The following EEA1 variants were observed in gnomAD, a reference collection of about 807,000 sequenced individuals.
EEA1 encodes the protein early endosome antigen 1, 162kD.
Under a neutral mutation model 209.2 loss-of-function variants are expected in EEA1, and 111 were observed. That is an observed-to-expected ratio of 0.53 (90% CI 0.45 to 0.62). The LOEUF (loss-of-function observed/expected upper bound fraction) is 0.62, where lower values mean the gene tolerates loss of function less well. Ranked by LOEUF, EEA1 falls within the 20% of genes least tolerant of loss-of-function variation. EEA1 has a pLI of 0.00. For synonymous variants in EEA1, 536 were observed against 540.6 expected, an observed-to-expected ratio of 0.99 and a Z score of 0.12; for missense variants, 1,343 against 1,530.8, an observed-to-expected ratio of 0.88 and a Z score of 2.05.
chr12:92,817,550 T>C (rs894883389), intron 14 of EEA1, among the ~76,000 whole-genome samples: 1 of 152,078 alleles, frequency 6.6e-6, no homozygotes, highest in Non-Finnish European at 1.5e-5. Flanking sequence ...TCCATCATTA[T>C]AGTTTTTTGT....
chr12:92,916,110 C>T (rs1020667350), intron 1 of EEA1, among the ~76,000 whole-genome samples: 1 of 152,054 alleles, frequency 6.6e-6, no homozygotes, highest in South Asian at 2.1e-4. Flanking sequence ...AAAATACCCA[C>T]CATATGATTA....
In EEA1 at chr12:92,798,808, C is replaced by T. The variant is rs1046767260; in HGVS notation, c.2967+84G>A. 8.6e-6 allele frequency: 9 copies of T among 1,043,236 alleles called. No homozygotes were observed. In the African/African-American group the frequency reaches 1.5e-4, roughly 17 times the overall value. The allele number at this position is 1,043,236 out of a possible 1,614,324, so 64.6% of individuals were successfully genotyped here. ...TTATGTAAACTTTTCAATGTTGCAACTTATCCATCTGTATTAATCATCATA... is the reference window on the plus strand; with the variant it reads ...TTATGTAAACTTTTCAATGTTGCAATTTATCCATCTGTATTAATCATCATA... On this transcript the variant is annotated intron_variant, in intron 21 of 28. Coordinates refer to ENST00000322349, the MANE Select transcript of EEA1 (RefSeq NM_003566.4).
Position 92,852,174 on chromosome 12 carries a change from C to A in EEA1, c.642+1G>T. ...ATCTCAATAAATAATTCCTAAATTA[C>A]CAGTTCCGTCTTCAGATCTTGAATT... On this transcript the variant is annotated splice_donor_variant, in intron 8 of 28. Transcript: ENST00000322349. LOFTEE classifies it high-confidence loss of function. 6.4e-7 allele frequency: 1 copy of A among 1,571,002 alleles called. No individual in the cohort carries two copies. Among genetic ancestry groups the A allele is most frequent in the Admixed American group, 2.0e-5 (1 of 51,156 alleles).
intron 2 of EEA1, among the ~76,000 whole-genome samples, chr12:92,878,290 A>C (rs1878999082): frequency 6.6e-6 from 1 of 152,130 alleles, no homozygotes; most frequent in Admixed American, 6.6e-5. Context: ...AAACAAAAAC[A>C]AAAAACAAAA....
intron 17 of EEA1, among the ~76,000 whole-genome samples, chr12:92,810,463 A>G (rs1226040173): frequency 9.9e-5 from 15 of 152,064 alleles, no homozygotes; most frequent in Non-Finnish European, 1.9e-4. Flanking sequence ...GTTTGTCATA[A>G]AGAAAAAGGA....
Position 92,798,984 on chromosome 12 carries a change from C to T in EEA1, c.2875G>A (p.Gly959Arg). ...QNEKEEQQLQGNINELKQSSE... is the reference protein window; with the variant it reads ...QNEKEEQQLQRNINELKQSSE... ...GATTGCTTTAGCTCATTTATGTTCC[C>T]CTGAAGTTGTTGCTCTTCTTTTTCA... The change falls in exon 21 of 29, where the codon GGG becomes AGG. Residue 959 changes from glycine (G) to arginine (R), a missense_variant. Physicochemically the swap from Gly to Arg is moderately radical, Grantham distance 125 (BLOSUM62 -2). Coordinates refer to ENST00000322349, the MANE Select transcript of EEA1 (RefSeq NM_003566.4). The T allele has an allele frequency of 6.2e-7, 1 of 1,612,776 alleles. No homozygotes were observed. The highest frequency in any genetic ancestry group is 1.1e-5 in the South Asian group (1 of 90,980).
intron 14 of EEA1, among the ~76,000 whole-genome samples, chr12:92,817,166 C>G (rs1053809672): frequency 6.6e-6 from 1 of 151,090 alleles, no homozygotes; most frequent in Non-Finnish European, 1.5e-5. Context: ...TAATACTATC[C>G]CATGGGTCAC....
intron 1 of EEA1, among the ~76,000 whole-genome samples, chr12:92,909,953 G>A (rs183608576): frequency 2.2e-3 from 333 of 151,828 alleles, no homozygotes; most frequent in African/African-American, 7.8e-3. Context: ...GACCAGCCTG[G>A]TCAATGTGGA....
At chr12:92,843,400 T>A (rs1877256875) in intron 9 of EEA1, among the ~76,000 whole-genome samples, 1 of 151,964 alleles carries the variant, frequency 6.6e-6, no homozygotes, top group Non-Finnish European at 1.5e-5. Context: ...CTCAAGCGAC[T>A]CTCCCACTAC....
chr12:92,847,194 G>A (rs1193006248), intron 9 of EEA1, among the ~76,000 whole-genome samples: 1 of 152,106 alleles, frequency 6.6e-6, no homozygotes, highest in Non-Finnish European at 1.5e-5. Context: ...GACCTCAGGT[G>A]ATCCACCGCC....
chr12:92,893,331 G>A (rs541448912), intron 1 of EEA1, among the ~76,000 whole-genome samples: 2 of 152,174 alleles, frequency 1.3e-5, no homozygotes, highest in Non-Finnish European at 2.9e-5. Flanking sequence ...TAGAGACTAA[G>A]TAAATTGCCC....
intron 21 of EEA1, among the ~76,000 whole-genome samples, chr12:92,795,684 C>G (rs1874627689): frequency 6.6e-6 from 1 of 152,202 alleles, no homozygotes; most frequent in South Asian, 2.1e-4. Context: ...GAGCAGAGAG[C>G]TGATCTCCCT....
intron 18 of EEA1, among the ~76,000 whole-genome samples, chr12:92,805,295 G>A (rs1021619749): frequency 1.3e-5 from 2 of 151,996 alleles, no homozygotes; most frequent in Admixed American, 6.6e-5. Flanking sequence ...TATAACCTCC[G>A]ATTCAAAGCA....
chr12:92,811,451 T>C lies in EEA1; in HGVS notation c.2044-17A>G. On this transcript the variant is annotated splice_polypyrimidine_tract_variant and intron_variant, in intron 16 of 28. Transcript: ENST00000322349. Reference sequence around the variant, plus strand: ...ATTTAACTCCTTTAGAAAAGTACAATTGAAGAAAACTTTGGTAAGGTTTAC... The same window carrying C: ...ATTTAACTCCTTTAGAAAAGTACAACTGAAGAAAACTTTGGTAAGGTTTAC... 2 of 1,513,858 alleles carry C rather than the reference T, an allele frequency of 1.3e-6. No homozygotes were observed. The highest frequency in any genetic ancestry group is 1.3e-5 in the South Asian group (1 of 75,852). 93.8% of individuals were successfully genotyped at this position (1,513,858 alleles called of 1,614,324 possible).
intron 1 of EEA1, among the ~76,000 whole-genome samples, chr12:92,903,525 GA>G (rs1880240892): frequency 6.6e-6 from 1 of 151,688 alleles, no homozygotes; most frequent in South Asian, 2.1e-4. Context: ...TTGAACCCAG[GA>G]GGCGAAGGTT....
At chr12:92,790,896 G>A (rs1006347358) in intron 21 of EEA1, among the ~76,000 whole-genome samples, 2 of 152,172 alleles carry the variant, frequency 1.3e-5, no homozygotes, top group Non-Finnish European at 2.9e-5. Flanking sequence ...ACCCACAAAG[G>A]GAAGCCCATC....
At chr12:92,898,844 G>A (rs1191172069) in intron 1 of EEA1, among the ~76,000 whole-genome samples, 17 of 134,696 alleles carry the variant, frequency 1.3e-4, no homozygotes, top group African/African-American at 4.5e-4. Flanking sequence ...TCCTCCCAAA[G>A]TGCTGAGATT....
chr12:92,812,999 G>A lies in EEA1; in HGVS notation c.2024C>T (p.Ala675Val), dbSNP rs1565818706. Reference protein sequence around the residue: ...LQNHLDTAQNALQDKQQELNK... With the variant: ...LQNHLDTAQNVLQDKQQELNK... Reference sequence around the variant, plus strand: ...CCCTACCTGCTGTTTATCTTGTAATGCATTTTGAGCTGTGTCCAAATGATT... The same window carrying A: ...CCCTACCTGCTGTTTATCTTGTAATACATTTTGAGCTGTGTCCAAATGATT... Residue 675 changes from alanine to valine, a missense_variant, in exon 16 of 29, where the codon GCA becomes GTA. Transcript: ENST00000322349. 2.0e-5 allele frequency: 32 copies of A among 1,581,652 alleles called. No homozygotes were observed. Among genetic ancestry groups the A allele is most frequent in the Non-Finnish European group, 2.7e-5 (31 of 1,158,024 alleles).
chr12:92,896,291 T>A (rs1242956681), intron 1 of EEA1, among the ~76,000 whole-genome samples: 2 of 152,152 alleles, frequency 1.3e-5, no homozygotes, highest in Non-Finnish European at 2.9e-5. Flanking sequence ...ATTTTCACAA[T>A]AAAACTTTAA....
Sources: gnomAD v4.1 joint callset for allele counts (sites outside exome capture counted in the v4.1 genomes callset) on GRCh38, gnomAD v4.1.1 for gene constraint, MANE v1.5 for transcripts, NCBI Gene and HGNC (gene_info 2026-07-23, HGNC 2026-07-21) for gene names.